Variants in ITPR2 observed in about 807,000 individuals in gnomAD.
The protein encoded by ITPR2 is inositol 1,4,5-trisphosphate receptor type 2, also known as inositol 1,4,5-trisphosphate-gated calcium channel ITPR2.
In ITPR2, 207 loss-of-function variants were observed where a neutral mutation model predicts 317.1. The ratio of observed to expected loss-of-function variants is 0.65; its 90% CI spans 0.58 to 0.73. The LOEUF (loss-of-function observed/expected upper bound fraction) is 0.73, where lower values mean the gene tolerates loss of function less well. Ranked by LOEUF, ITPR2 falls within the 30% of genes least tolerant of loss-of-function variation. The pLI, the probability that ITPR2 is intolerant of heterozygous loss-of-function variation, is 0.00. For synonymous variants in ITPR2, 1,156 were observed against 1,149.1 expected (o/e 1.01, Z -0.12); for missense variants, 2,613 against 3,284.0 (o/e 0.80, Z 4.99).
At chr12:26,524,930 ATTAT>A (rs1416874770) in intron 37 of ITPR2, among the ~76,000 whole-genome samples, 1 of 152,228 alleles carries the variant, frequency 6.6e-6, no homozygotes, top group African/African-American at 2.4e-5. Context: ...GACTCAAAAA[ATTAT>A]TTATAATTAT....
rs1168862262 is a variant in ITPR2, at chr12:26,487,117, T to C, written c.5505A>G (p.Lys1835=). The C allele has an allele frequency of 2.5e-6, 4 of 1,612,848 alleles. No homozygotes were observed. The highest frequency in any genetic ancestry group is 3.4e-6 in the Non-Finnish European group (4 of 1,179,590). Residue 1835 remains lysine (K), a synonymous_variant, in exon 40 of 57, where the codon AAA becomes AAG. Coordinates refer to ENST00000381340, the MANE Select transcript of ITPR2 (RefSeq NM_002223.4). ...TCAATTCATTGTCATCGTCCCTTTT[T>C]TTGTTACCTAAATCTATGGTATTAA... ...VTVNTIDLGN[K]KRDDDNELMT...
chr12:26,451,475 G>C (rs1401280812), intron 45 of ITPR2, among the ~76,000 whole-genome samples: 1 of 151,348 alleles, frequency 6.6e-6, no homozygotes, highest in African/African-American at 2.4e-5. Flanking sequence ...AATGCCACCA[G>C]CATCACTCTG....
chr12:26,492,148 C>G (rs953626619), intron 39 of ITPR2, among the ~76,000 whole-genome samples: 3 of 151,946 alleles, frequency 2.0e-5, no homozygotes, highest in African/African-American at 7.3e-5. Context: ...ATCCCAAGAC[C>G]CAGGCAGAAA....
At chr12:26,814,337 C>CA (rs1950811870) in intron 1 of ITPR2, among the ~76,000 whole-genome samples, 1 of 151,878 alleles carries the variant, frequency 6.6e-6, no homozygotes, top group South Asian at 2.1e-4. Flanking sequence ...CTTTTGCAAC[C>CA]AAAAAGCACC....
At chr12:26,691,520 T>C (rs1226531827) in intron 10 of ITPR2, among the ~76,000 whole-genome samples, 1 of 152,138 alleles carries the variant, frequency 6.6e-6, no homozygotes, top group Non-Finnish European at 1.5e-5. Context: ...ACTGAGCTCT[T>C]AATCAAACGA....
rs867363377 is a variant in ITPR2, at chr12:26,823,058, A to T, written c.92+9632T>A. ...AATGATCCTTCCAAGTTCAGCGAAA[A>T]TGCCACCTCCTCCTTGAAGCTCCCG... On this transcript the variant is annotated intron_variant, in intron 1 of 56. Transcript: ENST00000381340. Among the ~76,000 whole-genome samples the T allele has an allele frequency of 5.3e-5, 8 of 152,080 alleles. No homozygotes were observed. In the South Asian group the frequency reaches 1.5e-3, roughly 28 times the overall value.
At chr12:26,469,258 G>A (rs1417655919) in intron 45 of ITPR2, among the ~76,000 whole-genome samples, 1 of 152,138 alleles carries the variant, frequency 6.6e-6, no homozygotes, top group Non-Finnish European at 1.5e-5. Context: ...AAATGTTGTT[G>A]AAAGACTATC....
chr12:26,393,133 T>C (rs1046363937), intron 54 of ITPR2, among the ~76,000 whole-genome samples: 2 of 152,230 alleles, frequency 1.3e-5, no homozygotes, highest in South Asian at 4.1e-4. Context: ...AGAATCTACA[T>C]CCTCTTGTCC....
At chr12:26,647,858 CTGTGTCTCCATA>C (rs1947150343) in intron 21 of ITPR2, among the ~76,000 whole-genome samples, 1 of 152,238 alleles carries the variant, frequency 6.6e-6, no homozygotes, top group Non-Finnish European at 1.5e-5. Flanking sequence ...TGCCAGCTCC[CTGTGTCTCCATA>C]TGAGCAAGCC....
chr12:26,411,335 G>T lies in ITPR2; in HGVS notation c.7384C>A (p.Pro2462Thr), dbSNP rs1282221505. 1.2e-6 allele frequency: 2 copies of T among 1,613,020 alleles called. No individual in the cohort carries two copies. The highest frequency in any genetic ancestry group is 1.7e-6 in the Non-Finnish European group (2 of 1,179,296). Reference sequence around the variant, plus strand: ...TTCTACAAACCTGTATTTGAAGCTGGAATTGTGGGTGAACAGTTCTCCTTG... The same window carrying T: ...TTCTACAAACCTGTATTTGAAGCTGTAATTGTGGGTGAACAGTTCTCCTTG... Reference protein sequence around the residue: ...CAKENCSPTIPASNTADEEYE... With the variant: ...CAKENCSPTITASNTADEEYE... Residue 2462 changes from proline (P) to threonine (T), a missense_variant, in exon 52 of 57, where the codon CCA becomes ACA. Physicochemically the swap from Pro to Thr is conservative, Grantham distance 38. Around this residue, in one of 9 missense-constraint regions of ITPR2, gnomAD observed 113 missense variants for 129.2 expected, o/e 0.87. Coordinates refer to ENST00000381340, the MANE Select transcript of ITPR2 (RefSeq NM_002223.4).
intron 1 of ITPR2, among the ~76,000 whole-genome samples, chr12:26,830,186 G>T (rs576355804): frequency 6.6e-6 from 1 of 152,250 alleles, no homozygotes; most frequent in Non-Finnish European, 1.5e-5. Context: ...TTACAGGCAT[G>T]AGCCACTGTG....
chr12:26,385,650 T>C (rs1354119013), intron 55 of ITPR2, among the ~76,000 whole-genome samples: 2 of 152,186 alleles, frequency 1.3e-5, no homozygotes, highest in East Asian at 1.9e-4. Context: ...AGTTTCCCTA[T>C]AAGTGGACCA....
intron 16 of ITPR2, among the ~76,000 whole-genome samples, chr12:26,658,626 T>C (rs999443179): frequency 2.6e-5 from 4 of 152,254 alleles, no homozygotes; most frequent in Non-Finnish European, 5.9e-5. Flanking sequence ...TTGACTTGTC[T>C]GCACTCATTT....
chr12:26,549,955 A>C (rs909896512), intron 37 of ITPR2, among the ~76,000 whole-genome samples: 3 of 151,978 alleles, frequency 2.0e-5, no homozygotes, highest in Non-Finnish European at 4.4e-5. Context: ...ATTGTTTAAA[A>C]AGGTCATTTG....
rs975283678 is a variant in ITPR2, at chr12:26,737,313, C to T, written c.164-11548G>A. The stretch of plus-strand genomic sequence containing the variant: ...TCGCTCTGTCACCCAGGCTGGAGAA[C>T]GGCGCTATCTCAGCTCACTGCAACC... On this transcript the variant is annotated intron_variant, in intron 2 of 56. Coordinates refer to ENST00000381340, the MANE Select transcript of ITPR2 (RefSeq NM_002223.4). Among the ~76,000 whole-genome samples, 6 of 151,464 alleles carry T rather than the reference C, an allele frequency of 4.0e-5. No individual in the cohort carries two copies. In the South Asian group the frequency reaches 6.2e-4, roughly 16 times the overall value.
intron 34 of ITPR2, among the ~76,000 whole-genome samples, chr12:26,569,261 GA>G (rs1021685030): frequency 3.3e-5 from 5 of 151,724 alleles, no homozygotes; most frequent in African/African-American, 1.2e-4. Context: ...CAAATGGCAA[GA>G]AAAAAAATAT....
Position 26,483,768 on chromosome 12 carries a change from T to C in ITPR2, c.5942A>G (p.Asn1981Ser). The C allele has an allele frequency of 1.2e-6, 2 of 1,614,216 alleles. No homozygotes were observed. The highest frequency in any genetic ancestry group is 1.7e-6 in the Non-Finnish European group (2 of 1,180,018). ...GLLGLYINEK[N>S]VALVNQNLES... The stretch of plus-strand genomic sequence containing the variant: ...CAGGTTCTGGTTGACCAGCGCTACA[T>C]TCTTCTCATTGATGTAGAGACCCAA... Residue 1981 changes from asparagine to serine, a missense_variant, in exon 42 of 57, where the codon AAT becomes AGT. Around this residue, in one of 9 missense-constraint regions of ITPR2, gnomAD observed 926 missense variants for 1,072.8 expected, o/e 0.86. Transcript: ENST00000381340.
At chr12:26,444,006 A>G (rs1444225284) in intron 45 of ITPR2, among the ~76,000 whole-genome samples, 1 of 152,226 alleles carries the variant, frequency 6.6e-6, no homozygotes, top group Non-Finnish European at 1.5e-5. Context: ...TGGGAACAAT[A>G]TAAATGTGTG....
chr12:26,414,665 G>C (rs1940664002), intron 51 of ITPR2, among the ~76,000 whole-genome samples: 1 of 152,112 alleles, frequency 6.6e-6, no homozygotes, highest in Non-Finnish European at 1.5e-5. Context: ...AACATGGAGA[G>C]AATAAAGCCT....
Sources: allele counts gnomAD v4.1 joint callset (sites outside exome capture counted in the v4.1 genomes callset), GRCh38; gene constraint gnomAD v4.1.1; regional missense constraint gnomAD v4.1.1; transcripts MANE v1.5; gene names NCBI Gene and HGNC (gene_info 2026-07-23, HGNC 2026-07-21).